The following CGRRF1 variants were observed in gnomAD, a reference collection of about 807,000 sequenced individuals.
CGRRF1 encodes the protein cell growth regulator with ring finger domain 1, also known as cell growth regulator with RING finger domain protein 1.
CGRRF1 carries 32 observed loss-of-function variants against 37.2 expected under a neutral mutation model. The ratio of observed to expected loss-of-function variants is 0.86; its 90% CI spans 0.65 to 1.16. CGRRF1 has a LOEUF of 1.16. Among genes scored for constraint, CGRRF1 ranks in the 50% most tolerant of loss-of-function variants. The probability of loss-of-function intolerance (pLI) is 0.00; values close to 1 mark genes in which losing one functional copy is unlikely to be tolerated. For synonymous variants in CGRRF1, 141 were observed against 140.3 expected, an observed-to-expected ratio of 1.00 and a Z score of -0.04; for missense variants, 391 against 382.6, an observed-to-expected ratio of 1.02 and a Z score of -0.18.
At chr14:54,524,235 G>A (rs1434739205) in intron 2 of CGRRF1, among the ~76,000 whole-genome samples, 1 of 152,202 alleles carries the variant, frequency 6.6e-6, no homozygotes, top group South Asian at 2.1e-4. Flanking sequence ...CATTTGCAAC[G>A]TCCTGCTCCC....
At chr14:54,526,224 A>G (rs2032410118) in intron 2 of CGRRF1, among the ~76,000 whole-genome samples, 2 of 133,404 alleles carry the variant, frequency 1.5e-5, no homozygotes, top group South Asian at 4.5e-4. Context: ...ATCTTGGCTC[A>G]CTGCAACGTC....
chr14:54,529,865 G>A (rs1001099435), intron 2 of CGRRF1, among the ~76,000 whole-genome samples, 184 bp from the exon 3 acceptor site: 7 of 152,118 alleles, frequency 4.6e-5, no homozygotes, highest in African/African-American at 1.2e-4. Context: ...TAGACATTGA[G>A]CTTTTATATC....
intron 1 of CGRRF1, among the ~76,000 whole-genome samples, chr14:54,520,666 T>G (rs529863256): frequency 7.3e-4 from 111 of 152,386 alleles, no homozygotes; most frequent in African/African-American, 2.6e-3. Flanking sequence ...GCATTTATTC[T>G]TTTGTGTAAG....
intron 1 of CGRRF1, among the ~76,000 whole-genome samples, chr14:54,520,747 C>T (rs80122061): frequency 6.6e-6 from 1 of 152,188 alleles, no homozygotes; most frequent in East Asian, 1.9e-4. Context: ...TTCCTTTTCA[C>T]TGCTGAATAC....
At chr14:54,530,534 A>G (rs1024720673) in intron 3 of CGRRF1, 1 of 1,313,118 alleles carries the variant, frequency 7.6e-7, no homozygotes, top group African/African-American at 1.6e-5. Flanking sequence ...GCACTCCCCA[A>G]GCATTAGAAG....
chr14:54,515,863 A>G (rs2032207033), intron 1 of CGRRF1, among the ~76,000 whole-genome samples: 1 of 152,112 alleles, frequency 6.6e-6, no homozygotes, highest in Non-Finnish European at 1.5e-5. Flanking sequence ...GTTTTTATCC[A>G]ATCTGATAAT....
chr14:54,526,965 A>G (rs1326517335), intron 2 of CGRRF1, among the ~76,000 whole-genome samples: 2 of 152,152 alleles, frequency 1.3e-5, no homozygotes, highest in South Asian at 2.1e-4. Flanking sequence ...GTGGCTTAGC[A>G]TATTTTCTAC....
intron 1 of CGRRF1, among the ~76,000 whole-genome samples, chr14:54,519,485 A>G (rs2032278660): frequency 1.3e-5 from 2 of 148,226 alleles, no homozygotes; most frequent in Non-Finnish European, 3.0e-5. Context: ...TCCTGGGCTC[A>G]AGCATTCCTC....
intron 5 of CGRRF1, 75 bp from the exon 6 acceptor site, chr14:54,537,988 G>C: frequency 6.9e-7 from 1 of 1,452,318 alleles, no homozygotes; most frequent in Non-Finnish European, 9.1e-7. Context: ...ATTTTAAGCC[G>C]CTTCTTATGA....
At chr14:54,533,606 G>A (rs954121799) in intron 4 of CGRRF1, among the ~76,000 whole-genome samples, 2 of 151,740 alleles carry the variant, frequency 1.3e-5, no homozygotes, top group African/African-American at 2.4e-5. Flanking sequence ...AGTATTGTAT[G>A]TGCGTGTCAG....
chr14:54,530,003 A>T, intron 2 of CGRRF1, 46 bp from the exon 3 acceptor site: 1 of 1,486,680 alleles, frequency 6.7e-7, no homozygotes, highest in African/African-American at 1.4e-5. Flanking sequence ...ATTGTATTAG[A>T]AGTTACATTA....
intron 3 of CGRRF1, chr14:54,530,696 A>G (rs1206401517): frequency 2.5e-6 from 2 of 815,316 alleles, no homozygotes; most frequent in Non-Finnish European, 3.9e-6. Flanking sequence ...TTATTGCTTC[A>G]GAATAAGCAC....
At chr14:54,536,812 G>A (rs1479480528) in intron 4 of CGRRF1, 1 of 152,034 alleles carries the variant, frequency 6.6e-6, no homozygotes, top group Admixed American at 6.5e-5. Flanking sequence ...TTTTGACTTT[G>A]TTTATGGTGC....
chr14:54,537,209 G>A (rs2032613955), intron 4 of CGRRF1: 1 of 152,156 alleles, frequency 6.6e-6, no homozygotes, highest in Non-Finnish European at 1.5e-5. Flanking sequence ...TAATTTTAAA[G>A]GCTTTGTAGT....
chr14:54,516,203 A>G (rs949323435), intron 1 of CGRRF1, among the ~76,000 whole-genome samples: 1 of 152,302 alleles, frequency 6.6e-6, no homozygotes, highest in African/African-American at 2.4e-5. Context: ...AAAGAGATAT[A>G]AGAAAAGCAT....
Position 54,537,722 on chromosome 14 carries a change from A to G in CGRRF1, c.571A>G (p.Ile191Val), listed in dbSNP as rs2032621555. ...GACCAGTGTTCAATTTTTATTTTAG[A>G]TTTCCATGGTGTCAGTGATTCATAT... is the stretch of plus-strand genomic sequence containing the variant. ...DEDDREIYDI[I>V]SMVSVIHIPD... The change falls in exon 5 of 6, where the codon ATT becomes GTT. Residue 191 changes from isoleucine (I) to valine (V), a missense_variant and splice_region_variant. By Grantham distance (29) the Ile-to-Val change is conservative. Coordinates refer to ENST00000216420, the MANE Select transcript of CGRRF1 (RefSeq NM_006568.3). The G allele has an allele frequency of 6.5e-7, 1 of 1,549,894 alleles. No individual in the cohort carries two copies. The highest frequency in any genetic ancestry group is 8.7e-7 in the Non-Finnish European group (1 of 1,154,420).
At chr14:54,529,535 GT>G (rs2032471723) in intron 2 of CGRRF1, among the ~76,000 whole-genome samples, 1 of 152,166 alleles carries the variant, frequency 6.6e-6, no homozygotes, top group Non-Finnish European at 1.5e-5. Flanking sequence ...AAGCCTGTAT[GT>G]TAATGTTGTC....
chr14:54,513,627 T>TTATG lies in CGRRF1; in HGVS notation c.104+3566_104+3569dup, dbSNP rs1566506201. Among the ~76,000 whole-genome samples, 510 of 144,940 alleles carry TTATG rather than the reference T, an allele frequency of 3.5e-3. 3 individuals are homozygous for TTATG. Among genetic ancestry groups the TTATG allele is most frequent in the East Asian group, 0.024 (99 of 4,154 alleles). ...TTATGTTATGTTATGTAATGTTATG[T>TTATG]TATGTTATGTTATTTTTGAGACAGA... On this transcript the variant is annotated intron_variant, in intron 1 of 5. Transcript: ENST00000216420.
chr14:54,527,064 G>A (rs535541779), intron 2 of CGRRF1, among the ~76,000 whole-genome samples: 1 of 152,288 alleles, frequency 6.6e-6, no homozygotes, highest in Middle Eastern at 3.4e-3. Flanking sequence ...AGGACAGTTT[G>A]AGAGATACCA....
Sources: allele counts gnomAD v4.1 joint callset (sites outside exome capture counted in the v4.1 genomes callset), GRCh38; gene constraint gnomAD v4.1.1; transcripts MANE v1.5; gene names NCBI Gene and HGNC (gene_info 2026-07-23, HGNC 2026-07-21).